ZHX2: variants seen among roughly 807,000 people sequenced by gnomAD.
ZHX2 encodes the protein zinc fingers and homeoboxes protein 2.
In ZHX2, 6 loss-of-function variants were observed where a neutral mutation model predicts 21.9. The observed-to-expected ratio is 0.27, with a 90% CI of 0.15 to 0.54. ZHX2 has a LOEUF of 0.54. ZHX2 is among the 20% of genes least tolerant of loss of function. The probability of loss-of-function intolerance (pLI) is 0.95; values close to 1 mark genes in which losing one functional copy is unlikely to be tolerated. For synonymous variants in ZHX2, 434 were observed against 437.1 expected (o/e 0.99, Z 0.09); for missense variants, 908 against 1,090.7 (o/e 0.83, Z 2.36).
chr8:122,917,173 A>G (rs998628304), intron 2 of ZHX2, among the ~76,000 whole-genome samples: 1 of 151,982 alleles, frequency 6.6e-6, no homozygotes, highest in African/African-American at 2.4e-5. Context: ...TTTTGTCTCC[A>G]CCTACTGTGG....
At chr8:122,797,730 T>A (rs1817638981) in intron 1 of ZHX2, among the ~76,000 whole-genome samples, 1 of 152,124 alleles carries the variant, frequency 6.6e-6, no homozygotes, top group Non-Finnish European at 1.5e-5. Context: ...AAAAAAAAAA[T>A]TTCTTTTGCA....
chr8:122,960,867 C>A (rs1346358400), intron 3 of ZHX2, among the ~76,000 whole-genome samples: 1 of 152,190 alleles, frequency 6.6e-6, no homozygotes, highest in Admixed American at 6.5e-5. Context: ...TTGATGCCCT[C>A]TGAGCTACTC....
chr8:122,843,940 C>T (rs1249423168), intron 1 of ZHX2, among the ~76,000 whole-genome samples: 3 of 145,878 alleles, frequency 2.1e-5, no homozygotes, highest in Admixed American at 6.9e-5. Flanking sequence ...TTCTACACTT[C>T]GCTTTTTGTT....
intron 2 of ZHX2, among the ~76,000 whole-genome samples, chr8:122,892,432 TTGA>T (rs56170810): frequency 0.32 from 48,781 of 151,784 alleles, 8,030 homozygotes; most frequent in South Asian, 0.43. Context: ...AAGGTTATTA[TTGA>T]TAAGTGAGGT....
chr8:122,848,783 C>T (rs1048845068), intron 1 of ZHX2, among the ~76,000 whole-genome samples: 10 of 152,214 alleles, frequency 6.6e-5, no homozygotes, highest in African/African-American at 1.2e-4. Context: ...GTTCTGAGGC[C>T]GGCAGCGTGC....
At chr8:122,940,333 G>C (rs1375525053) in intron 2 of ZHX2, among the ~76,000 whole-genome samples, 1 of 152,188 alleles carries the variant, frequency 6.6e-6, no homozygotes, top group Non-Finnish European at 1.5e-5. Flanking sequence ...CATTGGTTTG[G>C]AGTAAATGAG....
chr8:122,963,424 T>C (rs6989045), intron 3 of ZHX2, among the ~76,000 whole-genome samples: 43,115 of 152,054 alleles, frequency 0.28, 6,758 homozygotes, highest in African/African-American at 0.42. Flanking sequence ...CAAAGATCAA[T>C]TGGCTGTAAG....
intron 1 of ZHX2, among the ~76,000 whole-genome samples, chr8:122,843,168 TATTTAC>T (rs1486031044): frequency 4.6e-5 from 7 of 152,236 alleles, no homozygotes; most frequent in Non-Finnish European, 8.8e-5. Flanking sequence ...CAACAACTGC[TATTTAC>T]TCAGATCTGT....
At position 122,865,704 on chromosome 8, in the gene ZHX2, A is replaced by G. The variant is rs570630547; in HGVS notation, c.-220+2165A>G. On this transcript the variant is annotated intron_variant, in intron 2 of 3. Transcript: ENST00000314393. ...AGTTCAATTTAATGAGTTAATTCAC[A>G]TGAAGCTGCTGGGATATAGTAAGTG... 5.4e-4 allele frequency among the ~76,000 whole-genome samples: 82 copies of G among 152,352 alleles called. 1 individual carries two copies. The highest frequency in any genetic ancestry group is 2.0e-3 in the African/African-American group (82 of 41,592).
intron 1 of ZHX2, among the ~76,000 whole-genome samples, chr8:122,855,742 A>T (rs947653635): frequency 3.3e-5 from 5 of 152,200 alleles, no homozygotes; most frequent in Non-Finnish European, 5.9e-5. Context: ...GAAGGCAAGT[A>T]ATATTTAAAA....
intron 1 of ZHX2, among the ~76,000 whole-genome samples, chr8:122,821,170 G>A (rs75923023): frequency 6.6e-6 from 1 of 152,328 alleles, no homozygotes; most frequent in East Asian, 1.9e-4. Flanking sequence ...GTTCTGCAGG[G>A]ACCAGGAGTC....
intron 2 of ZHX2, among the ~76,000 whole-genome samples, chr8:122,907,776 A>G (rs943992667): frequency 4.6e-5 from 7 of 152,188 alleles, no homozygotes; most frequent in Non-Finnish European, 1.0e-4. Context: ...TGAGGATTAA[A>G]TGAGATCAAA....
intron 2 of ZHX2, among the ~76,000 whole-genome samples, chr8:122,877,504 T>C (rs1195356321): frequency 1.3e-5 from 2 of 152,166 alleles, no homozygotes; most frequent in Non-Finnish European, 2.9e-5. Context: ...ACCTTGCAAA[T>C]GAGGAAACTG....
chr8:122,951,470 A>C lies in ZHX2; in HGVS notation c.-41A>C. 255 of 1,230,432 alleles carry C rather than the reference A, an allele frequency of 2.1e-4. No homozygotes were observed. The highest frequency in any genetic ancestry group is 2.7e-4 in the Non-Finnish European group (228 of 853,514). The allele number at this position is 1,230,432 out of a possible 1,614,324, so 76.2% of individuals were successfully genotyped here. ...CCAAGAATCTCACCGCCCCCTCCTT[A>C]TCCCCCTCCAAAAATAAGCCATTGC... On this transcript the variant is annotated 5_prime_UTR_variant, in exon 3 of 4. Transcript: ENST00000314393.
chr8:122,807,893 C>T (rs991321337), intron 1 of ZHX2: 1 of 152,188 alleles, frequency 6.6e-6, no homozygotes, highest in Non-Finnish European at 1.5e-5. Context: ...GTGCTTACTC[C>T]CTCTTTATTA....
intron 2 of ZHX2, among the ~76,000 whole-genome samples, chr8:122,946,841 C>G (rs949551442): frequency 2.6e-5 from 4 of 152,038 alleles, no homozygotes; most frequent in Non-Finnish European, 5.9e-5. Flanking sequence ...CTCATGTAAC[C>G]CCAACACACA....
At chr8:122,839,521 C>T (rs1818577030) in intron 1 of ZHX2, among the ~76,000 whole-genome samples, 1 of 152,122 alleles carries the variant, frequency 6.6e-6, no homozygotes, top group Non-Finnish European at 1.5e-5. Flanking sequence ...AAATAAGAAC[C>T]TCAATGATAT....
intron 1 of ZHX2, among the ~76,000 whole-genome samples, chr8:122,851,598 C>A (rs748978405): frequency 2.6e-5 from 4 of 152,220 alleles, no homozygotes; most frequent in Non-Finnish European, 5.9e-5. Flanking sequence ...TTTGATTCCT[C>A]CAGGATCCTC....
chr8:122,912,274 A>G lies in ZHX2; in HGVS notation c.-219-39018A>G, dbSNP rs145570164. ...GAAACGGCCTGGGAGAGCCTTTTCA[A>G]TGCCTCTCCAGACAAAAAGAAAATA... is the stretch of plus-strand genomic sequence containing the variant. On this transcript the variant is annotated intron_variant, in intron 2 of 3. Transcript: ENST00000314393. Among the ~76,000 whole-genome samples the G allele has an allele frequency of 5.4e-3, 815 of 152,288 alleles. 2 individuals carry two copies. Among genetic ancestry groups the G allele is most frequent in the Middle Eastern group, 0.031 (9 of 294 alleles).
Sources: gnomAD v4.1 joint callset for allele counts (sites outside exome capture counted in the v4.1 genomes callset) on GRCh38, gnomAD v4.1.1 for gene constraint, MANE v1.5 for transcripts, NCBI Gene and HGNC (gene_info 2026-07-23, HGNC 2026-07-21) for gene names.